Variants in NAV3 observed in about 807,000 individuals in gnomAD.
The protein encoded by NAV3 is neuron navigator 3.
NAV3 carries 87 observed loss-of-function variants against 244.7 expected under a neutral mutation model. The observed-to-expected ratio is 0.36, with a 90% CI of 0.30 to 0.42. The LOEUF (loss-of-function observed/expected upper bound fraction) is 0.42, where lower values mean the gene tolerates loss of function less well. NAV3 is among the 20% of genes least tolerant of loss of function. NAV3 has a pLI of 1.00. For missense variants in NAV3, 2,663 were observed against 2,893.3 expected (o/e 0.92, Z 1.83); for synonymous variants, 1,126 against 1,042.2 (o/e 1.08, Z -1.55).
At chr12:78,177,545 G>T in intron 27 of NAV3, 75 bp from the exon 28 acceptor site, 1 of 1,404,700 alleles carries the variant, frequency 7.1e-7, no homozygotes. Flanking sequence ...TCATTCTCCA[G>T]TTTTCTGAAT....
At chr12:78,182,591 T>G (rs1958545880) in intron 30 of NAV3, among the ~76,000 whole-genome samples, 1 of 151,960 alleles carries the variant, frequency 6.6e-6, no homozygotes, top group Non-Finnish European at 1.5e-5. Context: ...AAAATAGAAC[T>G]CATAAAGATA....
chr12:78,206,854 CTTTTTTT>C (rs10594185), intron 39 of NAV3, among the ~76,000 whole-genome samples: 80 of 114,816 alleles, frequency 7.0e-4, no homozygotes, highest in Middle Eastern at 5.1e-3. Context: ...TTCTTTCTTA[CTTTTTTT>C]TTTTTTTTTT....
At chr12:77,575,588 A>G (rs1592466116) in intron 2 of NAV3, among the ~76,000 whole-genome samples, 2 of 152,122 alleles carry the variant, frequency 1.3e-5, no homozygotes, top group East Asian at 3.8e-4. Flanking sequence ...AGCTAATTTT[A>G]TTGCTTTGTG....
chr12:78,166,268 G>T lies in NAV3; in HGVS notation c.4870-2487G>T, dbSNP rs370578125. Reference sequence around the variant, plus strand: ...AATAAAGGGAAAAATTATATGGAAAGCTCAGAGAAAAGAGATGGGTGTGGC... The same window carrying T: ...AATAAAGGGAAAAATTATATGGAAATCTCAGAGAAAAGAGATGGGTGTGGC... On this transcript the variant is annotated intron_variant, in intron 23 of 39. Coordinates refer to ENST00000397909, the MANE Select transcript of NAV3 (RefSeq NM_001024383.2). Among the ~76,000 whole-genome samples the T allele has an allele frequency of 3.4e-4, 52 of 151,932 alleles. 1 individual carries two copies. The highest frequency in any genetic ancestry group is 1.2e-3 in the African/African-American group (48 of 41,524).
chr12:78,025,422 C>A (rs1329116794), intron 9 of NAV3, among the ~76,000 whole-genome samples: 1 of 151,522 alleles, frequency 6.6e-6, no homozygotes, highest in East Asian at 1.9e-4. Context: ...ACAGTGAAAC[C>A]TCATCTTTAC....
intron 2 of NAV3, among the ~76,000 whole-genome samples, chr12:77,685,497 AC>A (rs1471390938): frequency 6.6e-6 from 1 of 151,752 alleles, no homozygotes; most frequent in Non-Finnish European, 1.5e-5. Flanking sequence ...ACACACACAC[AC>A]ACACACACAT....
chr12:77,704,049 CT>C (rs747863878), intron 2 of NAV3, among the ~76,000 whole-genome samples: 3 of 152,182 alleles, frequency 2.0e-5, no homozygotes, highest in Non-Finnish European at 2.9e-5. Flanking sequence ...TCTTGAGCTT[CT>C]GTGATTAATC....
At chr12:77,573,345 A>G (rs1458058488) in intron 2 of NAV3, among the ~76,000 whole-genome samples, 1 of 152,186 alleles carries the variant, frequency 6.6e-6, no homozygotes, top group Non-Finnish European at 1.5e-5. Context: ...ATGGGGCTAC[A>G]GTAATCCTTT....
At chr12:77,963,344 A>G (rs973984882) in intron 3 of NAV3, among the ~76,000 whole-genome samples, 2 of 152,152 alleles carry the variant, frequency 1.3e-5, no homozygotes, top group Non-Finnish European at 2.9e-5. Context: ...AATTATCTTA[A>G]AGTATGCCTC....
intron 12 of NAV3, among the ~76,000 whole-genome samples, chr12:78,114,162 A>T (rs1322426546): frequency 6.6e-6 from 1 of 152,182 alleles, no homozygotes; most frequent in East Asian, 1.9e-4. Context: ...TTCATTGTCC[A>T]TATCATTATC....
intron 12 of NAV3, among the ~76,000 whole-genome samples, chr12:78,084,905 C>A (rs573693703): frequency 6.6e-6 from 1 of 151,616 alleles, no homozygotes; most frequent in South Asian, 2.1e-4. Context: ...TTTTTTTCCT[C>A]TTGTAAAATT....
At chr12:77,717,046 G>A (rs1255202019) in intron 2 of NAV3, among the ~76,000 whole-genome samples, 1 of 151,908 alleles carries the variant, frequency 6.6e-6, no homozygotes, top group Non-Finnish European at 1.5e-5. Flanking sequence ...TCTGTGCCTG[G>A]GCTTGTGAGT....
chr12:78,065,416 T>G (rs1884897671), intron 12 of NAV3, among the ~76,000 whole-genome samples: 1 of 152,136 alleles, frequency 6.6e-6, no homozygotes, highest in Middle Eastern at 3.2e-3. Context: ...AACATTTGTA[T>G]CTCAAATGTA....
At chr12:77,680,637 G>A (rs992983906) in intron 2 of NAV3, among the ~76,000 whole-genome samples, 2 of 152,162 alleles carry the variant, frequency 1.3e-5, no homozygotes, top group African/African-American at 4.8e-5. Flanking sequence ...TGTTGGCCCA[G>A]AATTCAAGCA....
At chr12:77,605,930 A>G (rs1870649945) in intron 2 of NAV3, among the ~76,000 whole-genome samples, 1 of 152,136 alleles carries the variant, frequency 6.6e-6, no homozygotes, top group Non-Finnish European at 1.5e-5. Flanking sequence ...TTGCTTTCAT[A>G]TTCTTTATTG....
At chr12:77,753,539 G>T (rs1206873451) in intron 2 of NAV3, among the ~76,000 whole-genome samples, 1 of 152,020 alleles carries the variant, frequency 6.6e-6, no homozygotes, top group Admixed American at 6.6e-5. Flanking sequence ...ACAATCCCTA[G>T]GTCTACATCT....
chr12:77,952,916 A>G (rs1891035771), intron 3 of NAV3, among the ~76,000 whole-genome samples: 1 of 152,118 alleles, frequency 6.6e-6, no homozygotes, highest in Admixed American at 6.6e-5. Flanking sequence ...CTTTATATAC[A>G]TACATGTTTT....
At chr12:77,911,194 A>T (rs894613025) in intron 1 of NAV3, among the ~76,000 whole-genome samples, 1 of 152,014 alleles carries the variant, frequency 6.6e-6, no homozygotes, top group Non-Finnish European at 1.5e-5. Context: ...TAAAGAGCCA[A>T]CTCCAGGTAA....
At chr12:78,179,345 C>A in intron 28 of NAV3, 184 bp from the exon 29 acceptor site, 1 of 507,228 alleles carries the variant, frequency 2.0e-6, no homozygotes. Context: ...AAGCTACTTC[C>A]GTTTTGAACC....
Sources: gnomAD v4.1 joint callset for allele counts (sites outside exome capture counted in the v4.1 genomes callset) on GRCh38, gnomAD v4.1.1 for gene constraint, MANE v1.5 for transcripts, NCBI Gene and HGNC (gene_info 2026-07-23, HGNC 2026-07-21) for gene names.